The following PTPRT variants were observed in gnomAD, a reference collection of about 807,000 sequenced individuals.
PTPRT encodes protein tyrosine phosphatase receptor type T.
A neutral mutation model predicts 176.8 loss-of-function variants in PTPRT; 56 were observed. The ratio of observed to expected loss-of-function variants is 0.32; its 90% CI spans 0.26 to 0.40. The LOEUF (loss-of-function observed/expected upper bound fraction) is 0.40, where lower values mean the gene tolerates loss of function less well. Among genes scored for constraint, PTPRT ranks in the 10% least tolerant of loss-of-function variants. The pLI, the probability that PTPRT is intolerant of heterozygous loss-of-function variation, is 1.00. For synonymous variants in PTPRT, 783 were observed against 739.0 expected, an observed-to-expected ratio of 1.06 and a Z score of -0.96; for missense variants, 1,540 against 1,908.2, an observed-to-expected ratio of 0.81 and a Z score of 3.60.
At chr20:42,750,165 A>T (rs747499479) in intron 6 of PTPRT, among the ~76,000 whole-genome samples, 47 of 152,320 alleles carry the variant, frequency 3.1e-4, no homozygotes, top group South Asian at 6.2e-4. Context: ...TTTTCATAGT[A>T]TGTACAGAAT....
At chr20:42,249,300 T>C (rs1263829636) in intron 13 of PTPRT, among the ~76,000 whole-genome samples, 2 of 152,224 alleles carry the variant, frequency 1.3e-5, no homozygotes, top group East Asian at 3.8e-4. Context: ...TTTTGTTTTG[T>C]TCTTTATAGG....
intron 8 of PTPRT, among the ~76,000 whole-genome samples, chr20:42,455,851 C>T (rs1335689585): frequency 6.6e-6 from 1 of 152,078 alleles, no homozygotes; most frequent in Non-Finnish European, 1.5e-5. Context: ...GTCTTGCTAT[C>T]TGGTAAAGTC....
At chr20:42,284,258 A>C (rs1183560389) in intron 12 of PTPRT, among the ~76,000 whole-genome samples, 1 of 152,030 alleles carries the variant, frequency 6.6e-6, no homozygotes, top group Non-Finnish European at 1.5e-5. Context: ...GCTTCTATTA[A>C]CATAGCTAAC....
rs1983102616 is a variant in PTPRT at position 42,079,471 on chromosome 20, G to C, written c.*1408C>G. 1 of 221,508 alleles carries C rather than the reference G, an allele frequency of 4.5e-6. No homozygotes were observed. The highest frequency in any genetic ancestry group is 9.0e-6 in the Non-Finnish European group (1 of 110,640). 13.7% of individuals were successfully genotyped at this position (221,508 alleles called of 1,614,324 possible). A position where few individuals can be genotyped will look rare whatever the true frequency, so the allele number is the denominator to read the frequency against. ...CCTCATTGGAGGAGATGATCAAATG[G>C]AGATGATAACAAGTCAGTAGCTCTC... On this transcript the variant is annotated 3_prime_UTR_variant, in exon 31 of 31. Transcript: ENST00000373187.
At chr20:42,934,561 T>C (rs542135367) in intron 1 of PTPRT, among the ~76,000 whole-genome samples, 15 of 152,226 alleles carry the variant, frequency 9.9e-5, no homozygotes, top group Middle Eastern at 3.4e-3. Context: ...GGGAATAATA[T>C]GCTTCTAAGC....
At chr20:42,104,318 A>G (rs1370380280) in intron 25 of PTPRT, among the ~76,000 whole-genome samples, 17 of 152,174 alleles carry the variant, frequency 1.1e-4, no homozygotes. Context: ...AAAGTAAAAA[A>G]AAGAAGAAAT....
chr20:42,388,764 C>G (rs1219135363), intron 9 of PTPRT, among the ~76,000 whole-genome samples: 1 of 152,196 alleles, frequency 6.6e-6, no homozygotes, highest in Non-Finnish European at 1.5e-5. Context: ...ACCCAGCCAT[C>G]CCATTACTGG....
intron 15 of PTPRT, among the ~76,000 whole-genome samples, chr20:42,206,341 C>T (rs974817434): frequency 2.0e-5 from 3 of 152,172 alleles, no homozygotes; most frequent in Non-Finnish European, 2.9e-5. Context: ...ACGCAGAAGA[C>T]GGTGATTTCT....
chr20:42,595,987 T>C (rs922664593), intron 7 of PTPRT, among the ~76,000 whole-genome samples: 1 of 152,084 alleles, frequency 6.6e-6, no homozygotes, highest in Non-Finnish European at 1.5e-5. Context: ...GGGCTTCAAA[T>C]AAACTACAAC....
At chr20:42,727,554 C>T (rs932162014) in intron 6 of PTPRT, among the ~76,000 whole-genome samples, 2 of 152,038 alleles carry the variant, frequency 1.3e-5, no homozygotes, top group African/African-American at 4.8e-5. Flanking sequence ...TGTGTGTGTC[C>T]GTGAGTGCCT....
chr20:42,372,213 T>C (rs1267301013), intron 9 of PTPRT, among the ~76,000 whole-genome samples: 3 of 151,854 alleles, frequency 2.0e-5, no homozygotes, highest in Non-Finnish European at 4.4e-5. Flanking sequence ...GCAAGACAGT[T>C]GGTCAGAAAA....
chr20:42,909,737 C>G (rs1289671353), intron 1 of PTPRT, among the ~76,000 whole-genome samples: 1 of 152,170 alleles, frequency 6.6e-6, no homozygotes, highest in East Asian at 1.9e-4. Flanking sequence ...TTTCTAACAT[C>G]AGACCTCAGG....
chr20:42,478,821 C>T (rs959175548), intron 7 of PTPRT, among the ~76,000 whole-genome samples: 2 of 152,090 alleles, frequency 1.3e-5, no homozygotes, highest in African/African-American at 4.8e-5. Context: ...TCATGTTCAC[C>T]TCCACTGCCA....
rs532723966 is a variant in PTPRT at position 42,994,342 on chromosome 20, ACCC to A, written c.89-108413_89-108411del. 2.6e-5 allele frequency among the ~76,000 whole-genome samples: 4 copies of A among 152,142 alleles called. No individual in the cohort carries two copies. The East Asian group carries it at 7.7e-4, about 29-fold the overall frequency. On this transcript the variant is annotated intron_variant, in intron 1 of 30. Coordinates refer to ENST00000373187, the MANE Select transcript of PTPRT (RefSeq NM_007050.6). ...AATGTCAATATGACAAGTTAGAAGG[ACCC>A]CAGAGTCACCACTTGTGAGGTGCCA...
chr20:42,422,309 A>T (rs963022380), intron 9 of PTPRT, among the ~76,000 whole-genome samples: 4 of 152,262 alleles, frequency 2.6e-5, no homozygotes, highest in African/African-American at 9.6e-5. Flanking sequence ...TATGCATCTG[A>T]CAAAGGTCTA....
chr20:42,321,594 CA>C lies in PTPRT; in HGVS notation c.1866-5599del, dbSNP rs2057798886. Among the ~76,000 whole-genome samples the C allele has an allele frequency of 2.6e-5, 4 of 152,164 alleles. No homozygotes were observed. In the South Asian group the frequency reaches 6.2e-4, roughly 24 times the overall value. ...ACCAGTATTCTGAGTCGTTGTACAC[CA>C]CATCTCCTGATTTATTTCTTCCACA... On this transcript the variant is annotated intron_variant, in intron 11 of 30. Transcript: ENST00000373187.
chr20:43,174,550 C>A (rs775489842), intron 1 of PTPRT, among the ~76,000 whole-genome samples: 1 of 152,182 alleles, frequency 6.6e-6, no homozygotes, highest in Non-Finnish European at 1.5e-5. Flanking sequence ...CTGTTATTAT[C>A]GCCCATCATC....
At chr20:42,701,517 C>G (rs1262630128) in intron 6 of PTPRT, among the ~76,000 whole-genome samples, 1 of 152,086 alleles carries the variant, frequency 6.6e-6, no homozygotes, top group African/African-American at 2.4e-5. Flanking sequence ...TCACAGAGCT[C>G]AGAAAAGAAA....
At chr20:42,645,025 C>A (rs2074856820) in intron 7 of PTPRT, among the ~76,000 whole-genome samples, 1 of 152,130 alleles carries the variant, frequency 6.6e-6, no homozygotes, top group African/African-American at 2.4e-5. Context: ...TATTTTCTCA[C>A]CCCAAGTTAG....
Sources: gnomAD v4.1 joint callset for allele counts (sites outside exome capture counted in the v4.1 genomes callset) on GRCh38, gnomAD v4.1.1 for gene constraint, MANE v1.5 for transcripts, NCBI Gene and HGNC (gene_info 2026-07-23, HGNC 2026-07-21) for gene names.